The following EML6 variants were observed in gnomAD, a reference collection of about 807,000 sequenced individuals.
EML6 encodes the protein EMAP like 6, also known as echinoderm microtubule-associated protein-like 6.
A neutral mutation model predicts 240.1 loss-of-function variants in EML6; 154 were observed. The observed-to-expected ratio is 0.64, with a 90% CI of 0.56 to 0.73. The LOEUF (loss-of-function observed/expected upper bound fraction) is 0.73. EML6 is among the 30% of genes least tolerant of loss of function. The pLI, the probability that EML6 is intolerant of heterozygous loss-of-function variation, is 0.00. For synonymous variants in EML6, 1,148 were observed against 899.0 expected, an observed-to-expected ratio of 1.28 and a Z score of -4.95; for missense variants, 2,964 against 2,474.6, an observed-to-expected ratio of 1.20 and a Z score of -4.20.
intron 24 of EML6, among the ~76,000 whole-genome samples, chr2:54,906,282 T>C (rs1311693625): frequency 1.3e-5 from 2 of 152,208 alleles, no homozygotes; most frequent in African/African-American, 4.8e-5. Context: ...TTGTTTGTTC[T>C]TAATTCTGCA....
At chr2:54,808,361 C>T (rs757070059) in intron 2 of EML6, among the ~76,000 whole-genome samples, 11 of 152,284 alleles carry the variant, frequency 7.2e-5, no homozygotes, top group Non-Finnish European at 1.3e-4. Context: ...GGTCACTCCC[C>T]CTTCAATCCC....
At chr2:54,790,867 A>G (rs1284658875) in intron 2 of EML6, among the ~76,000 whole-genome samples, 1 of 151,760 alleles carries the variant, frequency 6.6e-6, no homozygotes, top group Non-Finnish European at 1.5e-5. Context: ...CTGGGACTAC[A>G]GGCGCCTGCC....
intron 2 of EML6, among the ~76,000 whole-genome samples, chr2:54,804,517 C>G (rs143832735): frequency 4.5e-4 from 69 of 152,350 alleles, no homozygotes; most frequent in African/African-American, 1.5e-3. Flanking sequence ...GTGAGAACCT[C>G]TGCGAGTTGA....
intron 2 of EML6, among the ~76,000 whole-genome samples, chr2:54,782,124 A>G (rs1668881389): frequency 6.6e-6 from 1 of 152,208 alleles, no homozygotes; most frequent in African/African-American, 2.4e-5. Context: ...AAAACATTTA[A>G]AATAAGTCTA....
intron 12 of EML6, among the ~76,000 whole-genome samples, chr2:54,862,336 T>C (rs1670718840): frequency 1.4e-5 from 1 of 69,158 alleles, no homozygotes. Flanking sequence ...TGACTCCATC[T>C]CTAAAAAAAA....
At chr2:54,867,200 T>C (rs1671018092) in intron 14 of EML6, 1 of 194,258 alleles carries the variant, frequency 5.1e-6, no homozygotes, top group African/African-American at 2.3e-5. Flanking sequence ...TCACTTCCTC[T>C]TTCTCCTTTC....
chr2:54,759,817 G>C (rs942973926), intron 2 of EML6, among the ~76,000 whole-genome samples: 1 of 151,662 alleles, frequency 6.6e-6, no homozygotes, highest in Non-Finnish European at 1.5e-5. Context: ...AGTGAAGTTC[G>C]AGGTTGGACA....
chr2:54,832,848 G>GC (rs1325698693), intron 7 of EML6, among the ~76,000 whole-genome samples: 2 of 152,150 alleles, frequency 1.3e-5, no homozygotes, highest in African/African-American at 4.8e-5. Context: ...ACAGATTCAG[G>GC]CAGAGCAGTG....
At chr2:54,841,604 T>TC (rs1553393879) in intron 7 of EML6, among the ~76,000 whole-genome samples, 1 of 150,032 alleles carries the variant, frequency 6.7e-6, no homozygotes, top group Admixed American at 6.6e-5. Context: ...TTTTTTTTTT[T>TC]CTTTTGAGAC....
chr2:54,797,199 T>G (rs966960614), intron 2 of EML6, among the ~76,000 whole-genome samples: 1 of 123,712 alleles, frequency 8.1e-6, no homozygotes, highest in African/African-American at 2.8e-5. Context: ...ACTGTGATCT[T>G]GTAGGTCTAA....
chr2:54,895,172 TG>T, intron 20 of EML6, 100 bp from the exon 21 acceptor site: 3 of 1,377,384 alleles, frequency 2.2e-6, no homozygotes, highest in Non-Finnish European at 3.0e-6. Flanking sequence ...ATGTCAAGGC[TG>T]ACTGCCTAGT....
intron 32 of EML6, among the ~76,000 whole-genome samples, chr2:54,957,523 C>T (rs1676286673): frequency 6.6e-6 from 1 of 152,274 alleles, no homozygotes; most frequent in Non-Finnish European, 1.5e-5. Flanking sequence ...TATCTGGAAG[C>T]TTCCATCTCA....
Position 54,820,412 on chromosome 2 carries a change from G to T in EML6, c.475G>T (p.Asp159Tyr), listed in dbSNP as rs1184996131. 6.5e-7 allele frequency: 1 copy of T among 1,549,360 alleles called. No individual in the cohort carries two copies. Among genetic ancestry groups the T allele is most frequent in the African/African-American group, 1.4e-5 (1 of 72,954 alleles). Residue 159 changes from aspartate to tyrosine, a missense_variant, in exon 5 of 42, where the codon GAT becomes TAT. Physicochemically the swap from Asp to Tyr is radical, Grantham distance 160. Coordinates refer to ENST00000356458, the MANE Select transcript of EML6 (RefSeq NM_001039753.4). ...HSDRIFDISW[D>Y]PYQPNRVVSC... is the part of the protein sequence containing the mutation. ...TGAACAGATTTTTGATATTTCCTGG[G>T]ATCCATATCAGCCAAACAGAGTGGT...
chr2:54,813,703 T>C (rs902984009), intron 3 of EML6, among the ~76,000 whole-genome samples: 1 of 152,234 alleles, frequency 6.6e-6, no homozygotes, highest in Non-Finnish European at 1.5e-5. Context: ...GTTAGCTTCC[T>C]ATTTGGAGTA....
At position 54,934,896 on chromosome 2, in the gene EML6, A is replaced by G. The variant is rs1020385964; in HGVS notation, c.4004+6145A>G. 2.0e-5 allele frequency among the ~76,000 whole-genome samples: 3 copies of G among 152,204 alleles called. No individual in the cohort carries two copies. In the East Asian group the frequency reaches 5.8e-4, roughly 29 times the overall value. Reference sequence around the variant, plus strand: ...ATCTCAAACTGATACTTGAATTCTCAAGGGAAAGATATATCAATTAAACAA... The same window carrying G: ...ATCTCAAACTGATACTTGAATTCTCGAGGGAAAGATATATCAATTAAACAA... On this transcript the variant is annotated intron_variant, in intron 28 of 41. Coordinates refer to ENST00000356458, the MANE Select transcript of EML6 (RefSeq NM_001039753.4).
intron 17 of EML6, chr2:54,881,790 A>G (rs146177662): frequency 1.3e-5 from 2 of 152,328 alleles, no homozygotes; most frequent in African/African-American, 4.8e-5. Context: ...ATTCAGTCCT[A>G]CCCCTCACTT....
intron 2 of EML6, among the ~76,000 whole-genome samples, chr2:54,801,723 G>GT (rs1334767155): frequency 3.9e-5 from 6 of 152,138 alleles, no homozygotes; most frequent in Non-Finnish European, 5.9e-5. Context: ...ACAAACTATT[G>GT]TAAGAACCTA....
At chr2:54,892,115 G>A (rs1398266548) in intron 18 of EML6, among the ~76,000 whole-genome samples, 2 of 152,140 alleles carry the variant, frequency 1.3e-5, no homozygotes. Flanking sequence ...AACTTGTGCT[G>A]AGCCTCAGTT....
At chr2:54,822,368 G>A (rs1419972478) in intron 5 of EML6, among the ~76,000 whole-genome samples, 1 of 152,116 alleles carries the variant, frequency 6.6e-6, no homozygotes, top group Non-Finnish European at 1.5e-5. Context: ...CTTTGATCCA[G>A]TAATTTCATA....
Sources: allele counts gnomAD v4.1 joint callset (sites outside exome capture counted in the v4.1 genomes callset), GRCh38; gene constraint gnomAD v4.1.1; transcripts MANE v1.5; gene names NCBI Gene and HGNC (gene_info 2026-07-23, HGNC 2026-07-21).